The following PPP6R3 variants were observed in gnomAD, a reference collection of about 807,000 sequenced individuals.
PPP6R3 encodes serine/threonine-protein phosphatase 6 regulatory subunit 3.
In PPP6R3, 38 loss-of-function variants were observed where a neutral mutation model predicts 110.7. The ratio of observed to expected loss-of-function variants is 0.34; its 90% CI spans 0.26 to 0.45. The LOEUF (loss-of-function observed/expected upper bound fraction) is 0.45. Among genes scored for constraint, PPP6R3 ranks in the 20% least tolerant of loss-of-function variants. The pLI is 1.00. For missense variants in PPP6R3, 870 were observed against 1,062.4 expected (o/e 0.82, Z 2.52); for synonymous variants, 369 against 373.5 (o/e 0.99, Z 0.14).
intron 3 of PPP6R3, among the ~76,000 whole-genome samples, chr11:68,540,605 T>C (rs1019502986): frequency 6.6e-6 from 1 of 152,100 alleles, no homozygotes; most frequent in Non-Finnish European, 1.5e-5. Context: ...AGGCGGGAAG[T>C]TCCTCTTCCT....
chr11:68,510,417 G>A (rs1238569883), intron 1 of PPP6R3, among the ~76,000 whole-genome samples: 1 of 151,824 alleles, frequency 6.6e-6, no homozygotes, highest in Non-Finnish European at 1.5e-5. Flanking sequence ...GTTTACCGTA[G>A]CCTCAACCTC....
At chr11:68,599,607 A>C (rs894385228) in intron 19 of PPP6R3, among the ~76,000 whole-genome samples, 6 of 152,264 alleles carry the variant, frequency 3.9e-5, no homozygotes, top group Non-Finnish European at 7.3e-5. Flanking sequence ...TGAATAATCA[A>C]CATGTTCTTT....
chr11:68,537,723 A>G lies in PPP6R3; in HGVS notation c.59A>G (p.Glu20Gly). 1 of 1,613,418 alleles carries G rather than the reference A, an allele frequency of 6.2e-7. No homozygotes were observed. The stretch of plus-strand genomic sequence containing the variant: ...CACATAGACACACTTCTAGAAAGAG[A>G]AGATGTAACACTGAAGGAGTTAATG... ...SSHIDTLLEREDVTLKELMDE... is the reference protein window; with the variant it reads ...SSHIDTLLERGDVTLKELMDE... Residue 20 changes from glutamate to glycine, a missense_variant, in exon 3 of 24, where the codon GAA (glutamate) becomes GGA (glycine). Glu to Gly is a moderately conservative substitution (Grantham distance 98). Coordinates refer to ENST00000393800, the MANE Select transcript of PPP6R3 (RefSeq NM_001164161.2).
At chr11:68,477,738 AAAAATATATAT>A (rs1200084756) in intron 1 of PPP6R3, among the ~76,000 whole-genome samples, 4 of 88,492 alleles carry the variant, frequency 4.5e-5, no homozygotes, top group African/African-American at 1.7e-4. Context: ...TAAAAAAAAA[AAAAATATATAT>A]ATATATATAT....
At chr11:68,569,684 T>C (rs2099495006) in intron 10 of PPP6R3, 64 bp from the exon 11 acceptor site, 5 of 1,308,162 alleles carry the variant, frequency 3.8e-6, no homozygotes, top group Non-Finnish European at 5.2e-6. Flanking sequence ...GTTCTGTAAA[T>C]GTATTTAAGT....
At chr11:68,588,135 C>A in intron 16 of PPP6R3, 111 bp downstream of exon 16, 1 of 920,270 alleles carries the variant, frequency 1.1e-6, no homozygotes, top group Non-Finnish European at 1.8e-6. Flanking sequence ...GTGGGAGGAA[C>A]CTGCTCTTTC....
At chr11:68,571,472 T>C (rs117538865) in intron 12 of PPP6R3, among the ~76,000 whole-genome samples, 1,614 of 152,308 alleles carry the variant, frequency 0.011, 21 homozygotes, top group Non-Finnish European at 0.014. Context: ...GAACAGAAGG[T>C]ATCACGTACA....
At chr11:68,531,598 G>A (rs183509600) in intron 2 of PPP6R3, among the ~76,000 whole-genome samples, 4 of 152,242 alleles carry the variant, frequency 2.6e-5, no homozygotes, top group African/African-American at 4.8e-5. Context: ...AGCCAAGACT[G>A]CATTTTGACA....
At chr11:68,551,063 T>A (rs1009474552) in intron 5 of PPP6R3, 58 bp from the exon 6 acceptor site, 1 of 1,187,468 alleles carries the variant, frequency 8.4e-7, no homozygotes, top group African/African-American at 1.5e-5. Context: ...TTAATCTACA[T>A]TGGGGCTTGA....
chr11:68,610,102 A>C (rs554904390), intron 23 of PPP6R3, 79 bp downstream of exon 23: 1 of 1,560,274 alleles, frequency 6.4e-7, no homozygotes, highest in Non-Finnish European at 8.6e-7. Flanking sequence ...GGAGGGGACT[A>C]TAGGGATCGT....
intron 10 of PPP6R3, 103 bp downstream of exon 10, chr11:68,567,269 T>C (rs1220021479): frequency 3.9e-6 from 5 of 1,266,218 alleles, no homozygotes; most frequent in Non-Finnish European, 4.2e-6. Context: ...CAGTGACTTT[T>C]CTTGGTCTGA....
At chr11:68,574,920 G>A (rs1208193361) in intron 13 of PPP6R3, among the ~76,000 whole-genome samples, 4 of 152,282 alleles carry the variant, frequency 2.6e-5, no homozygotes, top group East Asian at 1.9e-4. Context: ...AATTTGTTCA[G>A]TTAAAATCAT....
chr11:68,555,672 G>A (rs978801543), intron 7 of PPP6R3, among the ~76,000 whole-genome samples: 11 of 152,184 alleles, frequency 7.2e-5, no homozygotes, highest in African/African-American at 2.4e-4. Context: ...GCCCATGTGC[G>A]CACTAGCTTT....
In PPP6R3 at chr11:68,558,655, C is replaced by G. The variant is rs776391639; in HGVS notation, c.821C>G (p.Thr274Ser). The G allele has an allele frequency of 1.2e-6, 2 of 1,611,542 alleles. No individual in the cohort carries two copies. The highest frequency in any genetic ancestry group is 8.5e-7 in the Non-Finnish European group (1 of 1,178,904). The change falls in exon 8 of 24, where the codon ACT becomes AGT. Residue 274 changes from threonine (T) to serine (S), a missense_variant. Coordinates refer to ENST00000393800, the MANE Select transcript of PPP6R3 (RefSeq NM_001164161.2). ...GTCAGTGCAATCCAGATATTGCTGACTTTACTTGAGACACGACGACCAACG... is the reference window on the plus strand; with the variant it reads ...GTCAGTGCAATCCAGATATTGCTGAGTTTACTTGAGACACGACGACCAACG... ...AIVSAIQILL[T>S]LLETRRPTFE...
At chr11:68,600,580 T>A in intron 20 of PPP6R3, 86 bp downstream of exon 20, 2 of 1,452,292 alleles carry the variant, frequency 1.4e-6, no homozygotes, top group South Asian at 2.8e-5. Flanking sequence ...GTTCTTCACC[T>A]TGACTGACTT....
intron 2 of PPP6R3, among the ~76,000 whole-genome samples, chr11:68,521,832 C>T (rs1042891281): frequency 6.6e-6 from 1 of 152,148 alleles, no homozygotes; most frequent in Non-Finnish European, 1.5e-5. Flanking sequence ...CTCTCTCTTA[C>T]TAGTGAGAAG....
chr11:68,525,400 A>G (rs1468424139), intron 2 of PPP6R3, among the ~76,000 whole-genome samples: 1 of 152,240 alleles, frequency 6.6e-6, no homozygotes. Context: ...GGAGCTATAA[A>G]GACCATTCTC....
At chr11:68,570,461 C>T (rs1320726341) in intron 11 of PPP6R3, among the ~76,000 whole-genome samples, 2 of 152,206 alleles carry the variant, frequency 1.3e-5, no homozygotes, top group Non-Finnish European at 2.9e-5. Context: ...AAAAGGCTAG[C>T]TTGGAACAGC....
intron 8 of PPP6R3, among the ~76,000 whole-genome samples, chr11:68,562,624 G>A (rs992588450): frequency 9.9e-5 from 15 of 152,172 alleles, no homozygotes; most frequent in Non-Finnish European, 5.9e-5. Context: ...ATGATCAGGC[G>A]GTTTTTAACA....
Sources: allele counts gnomAD v4.1 joint callset (sites outside exome capture counted in the v4.1 genomes callset), GRCh38; gene constraint gnomAD v4.1.1; transcripts MANE v1.5; gene names NCBI Gene and HGNC (gene_info 2026-07-23, HGNC 2026-07-21).